Variants in ANO4 observed in about 807,000 individuals in gnomAD.
ANO4 encodes the protein anoctamin-4.
A neutral mutation model predicts 141.9 loss-of-function variants in ANO4; 69 were observed. The observed-to-expected ratio is 0.49, with a 90% CI of 0.40 to 0.59. The LOEUF (loss-of-function observed/expected upper bound fraction) is 0.59. ANO4 is among the 20% of genes least tolerant of loss of function. The pLI is 0.00. For synonymous variants in ANO4, 350 were observed against 394.3 expected (o/e 0.89, Z 1.33); for missense variants, 894 against 1,162.2 (o/e 0.77, Z 3.36).
chr12:100,798,402 A>G (rs1297758123), intron 1 of ANO4, among the ~76,000 whole-genome samples: 2 of 152,214 alleles, frequency 1.3e-5, no homozygotes. Flanking sequence ...ATTCAGAACT[A>G]CTTCTAGCAC....
chr12:101,031,729 CA>C (rs1473838709), intron 9 of ANO4, among the ~76,000 whole-genome samples: 1 of 152,172 alleles, frequency 6.6e-6, no homozygotes, highest in Non-Finnish European at 1.5e-5. Flanking sequence ...GCAACTTCAG[CA>C]AAGTCTCAGG....
At chr12:100,831,388 G>T (rs1442259392) in intron 1 of ANO4, among the ~76,000 whole-genome samples, 1 of 152,056 alleles carries the variant, frequency 6.6e-6, no homozygotes, top group African/African-American at 2.4e-5. Flanking sequence ...AATTTCTTTT[G>T]ATTTTCTGTT....
At chr12:100,960,577 A>G (rs980038630) in intron 5 of ANO4, among the ~76,000 whole-genome samples, 1 of 151,924 alleles carries the variant, frequency 6.6e-6, no homozygotes, top group African/African-American at 2.4e-5. Flanking sequence ...CATTCTGCAC[A>G]TGTATCCTGG....
chr12:100,943,155 G>A (rs1052597393), intron 5 of ANO4, among the ~76,000 whole-genome samples: 3 of 152,208 alleles, frequency 2.0e-5, no homozygotes, highest in Non-Finnish European at 4.4e-5. Context: ...AGGCCAGCCA[G>A]GCCTCTGATA....
chr12:100,736,332 T>C (rs1215689591), intron 2 of ANO4, among the ~76,000 whole-genome samples: 1 of 152,170 alleles, frequency 6.6e-6, no homozygotes, highest in African/African-American at 2.4e-5. Context: ...TTTTTCTGTA[T>C]TTACTCATTT....
chr12:100,981,507 GAGAAA>G (rs773670654), intron 7 of ANO4, among the ~76,000 whole-genome samples: 68 of 152,094 alleles, frequency 4.5e-4, no homozygotes, highest in African/African-American at 1.4e-3. Flanking sequence ...GAAAAGAAAA[GAGAAA>G]AGAAAAGAAA....
At chr12:101,009,037 T>G (rs2136437308) in intron 8 of ANO4, among the ~76,000 whole-genome samples, 1 of 152,288 alleles carries the variant, frequency 6.6e-6, no homozygotes, top group South Asian at 2.1e-4. Context: ...ATATTATTTT[T>G]GCGATCATGC....
At chr12:101,016,209 T>C (rs2046310682) in intron 8 of ANO4, among the ~76,000 whole-genome samples, 1 of 152,052 alleles carries the variant, frequency 6.6e-6, no homozygotes. Flanking sequence ...TGGCCACAGT[T>C]ATATAAACCT....
At chr12:100,943,067 A>G (rs973178951) in intron 5 of ANO4, among the ~76,000 whole-genome samples, 3 of 152,192 alleles carry the variant, frequency 2.0e-5, no homozygotes, top group Admixed American at 6.5e-5. Flanking sequence ...AGAGTGCCTT[A>G]CCAGTGTTTG....
intron 3 of ANO4, among the ~76,000 whole-genome samples, chr12:100,741,733 G>A (rs2031874113): frequency 6.6e-6 from 1 of 152,140 alleles, no homozygotes; most frequent in African/African-American, 2.4e-5. Context: ...GCTTGAAAAT[G>A]TTTCTGTATA....
chr12:100,945,573 T>G (rs1273344157), intron 5 of ANO4, among the ~76,000 whole-genome samples: 1 of 152,264 alleles, frequency 6.6e-6, no homozygotes, highest in East Asian at 1.9e-4. Context: ...TTTTCATTTT[T>G]AATTCTATGT....
chr12:100,878,234 C>T (rs2039408858), intron 1 of ANO4, among the ~76,000 whole-genome samples: 1 of 152,122 alleles, frequency 6.6e-6, no homozygotes, highest in Non-Finnish European at 1.5e-5. Flanking sequence ...AACTGAGCAC[C>T]TATGGTATGC....
chr12:100,933,293 C>T (rs10860662), intron 3 of ANO4, among the ~76,000 whole-genome samples: 36,876 of 151,774 alleles, frequency 0.24, 4,913 homozygotes, highest in Middle Eastern at 0.39. Context: ...CAACAGGCCC[C>T]GGTGTGTGAT....
chr12:100,879,890 A>G (rs1051978659), intron 1 of ANO4, among the ~76,000 whole-genome samples: 1 of 152,220 alleles, frequency 6.6e-6, no homozygotes, highest in African/African-American at 2.4e-5. Context: ...GTAAAATTTC[A>G]CTGAAGTTCA....
chr12:101,035,243 A>T (rs1024502288), intron 9 of ANO4, among the ~76,000 whole-genome samples: 1 of 152,218 alleles, frequency 6.6e-6, no homozygotes. Flanking sequence ...TTGCAACAAC[A>T]TGAATGAATC....
At chr12:101,020,478 A>G (rs968210996) in intron 9 of ANO4, among the ~76,000 whole-genome samples, 1 of 152,236 alleles carries the variant, frequency 6.6e-6, no homozygotes, top group African/African-American at 2.4e-5. Flanking sequence ...ATAAACCAAT[A>G]AGTAAATACA....
intron 3 of ANO4, among the ~76,000 whole-genome samples, chr12:100,924,167 C>T (rs1318247518): frequency 2.0e-5 from 3 of 152,034 alleles, no homozygotes; most frequent in African/African-American, 7.2e-5. Context: ...TCAATTTTGG[C>T]GTTTGTTGCC....
chr12:100,878,707 T>C (rs1200711458), intron 1 of ANO4, among the ~76,000 whole-genome samples: 1 of 152,246 alleles, frequency 6.6e-6, no homozygotes, highest in East Asian at 1.9e-4. Context: ...GCGTGCTGTT[T>C]TCTGGCTGGA....
chr12:100,801,695 A>G (rs1017632834), intron 1 of ANO4, among the ~76,000 whole-genome samples: 2 of 143,688 alleles, frequency 1.4e-5, no homozygotes, highest in African/African-American at 5.1e-5. Flanking sequence ...GAAGGAACTT[A>G]AAGTTATGAT....
Sources: allele counts gnomAD v4.1 joint callset (sites outside exome capture counted in the v4.1 genomes callset), GRCh38; gene constraint gnomAD v4.1.1; transcripts MANE v1.5; gene names NCBI Gene and HGNC (gene_info 2026-07-23, HGNC 2026-07-21).